POU6F2: variants seen among roughly 807,000 people sequenced by gnomAD.
The protein encoded by POU6F2 is POU domain, class 6, transcription factor 2.
POU6F2 carries 31 observed loss-of-function variants against 71.3 expected under a neutral mutation model. That is an observed-to-expected ratio of 0.43 (90% CI 0.33 to 0.59). The LOEUF is 0.59. POU6F2 is among the 20% of genes least tolerant of loss of function. POU6F2 has a pLI of 0.04. For synonymous variants in POU6F2, 347 were observed against 355.7 expected (o/e 0.98, Z 0.27); for missense variants, 783 against 856.8 (o/e 0.91, Z 1.07).
intron 4 of POU6F2, among the ~76,000 whole-genome samples, chr7:39,325,528 C>T (rs1044134121): frequency 1.3e-5 from 2 of 152,222 alleles, no homozygotes; most frequent in African/African-American, 4.8e-5. Context: ...AAAGAAGTCT[C>T]TTGCTGTATA....
rs773253547 is a variant in POU6F2 at position 39,147,064 on chromosome 7, G to T, written c.278-57171G>T. 2.4e-4 allele frequency among the ~76,000 whole-genome samples: 36 copies of T among 152,230 alleles called. No individual in the cohort carries two copies. In the East Asian group the frequency reaches 3.7e-3, roughly 15 times the overall value. The stretch of plus-strand genomic sequence containing the variant: ...GCATATACACATAGAAAAAGTCATA[G>T]AAGAATGTGTATTAAAACATTATAT... On this transcript the variant is annotated intron_variant, in intron 2 of 9. Transcript: ENST00000518318.
At chr7:39,198,338 G>A (rs1793826799) in intron 2 of POU6F2, among the ~76,000 whole-genome samples, 1 of 152,174 alleles carries the variant, frequency 6.6e-6, no homozygotes, top group Non-Finnish European at 1.5e-5. Flanking sequence ...TAAGAGATTT[G>A]TAGAATTTCT....
intron 4 of POU6F2, among the ~76,000 whole-genome samples, chr7:39,265,078 G>A (rs1036861852): frequency 2.0e-5 from 3 of 152,116 alleles, no homozygotes; most frequent in African/African-American, 7.2e-5. Flanking sequence ...AACAGAAAAG[G>A]TCAGAATGTA....
intron 3 of POU6F2, among the ~76,000 whole-genome samples, chr7:39,207,002 G>C (rs145002385): frequency 6.6e-6 from 1 of 152,120 alleles, no homozygotes; most frequent in Non-Finnish European, 1.5e-5. Flanking sequence ...GTAGTATTTC[G>C]TTGCTCTTTT....
At chr7:39,035,763 GC>G (rs1790048120) in intron 1 of POU6F2, among the ~76,000 whole-genome samples, 1 of 151,426 alleles carries the variant, frequency 6.6e-6, no homozygotes, top group Non-Finnish European at 1.5e-5. Flanking sequence ...TTGCTCCCTA[GC>G]TTTTAATTTA....
chr7:39,336,358 A>G (rs1013154572), intron 4 of POU6F2, among the ~76,000 whole-genome samples: 2 of 152,028 alleles, frequency 1.3e-5, no homozygotes, highest in Non-Finnish European at 2.9e-5. Context: ...TTCTGTCTCT[A>G]TGGACTCACT....
At chr7:39,031,191 G>A (rs1208693389) in intron 1 of POU6F2, among the ~76,000 whole-genome samples, 1 of 152,002 alleles carries the variant, frequency 6.6e-6, no homozygotes, top group Non-Finnish European at 1.5e-5. Context: ...GAGCCACCGC[G>A]CCTGGCCAAC....
At chr7:39,214,161 T>C (rs910923339) in intron 4 of POU6F2, among the ~76,000 whole-genome samples, 5 of 152,136 alleles carry the variant, frequency 3.3e-5, no homozygotes, top group African/African-American at 9.7e-5. Context: ...TTTATTTTGC[T>C]TTCTTGTTCC....
intron 2 of POU6F2, among the ~76,000 whole-genome samples, chr7:39,158,247 T>C (rs1169668237): frequency 6.6e-6 from 1 of 152,168 alleles, no homozygotes; most frequent in Non-Finnish European, 1.5e-5. Context: ...CATTCACTCC[T>C]GAATTCAGTA....
At chr7:39,382,299 C>T (rs897363614) in intron 5 of POU6F2, among the ~76,000 whole-genome samples, 8 of 152,124 alleles carry the variant, frequency 5.3e-5, no homozygotes, top group Non-Finnish European at 1.2e-4. Flanking sequence ...AACAGAGAGA[C>T]AGAACAGAGG....
chr7:39,060,279 A>G (rs918398411), intron 1 of POU6F2, among the ~76,000 whole-genome samples: 5 of 152,128 alleles, frequency 3.3e-5, no homozygotes, highest in Non-Finnish European at 7.4e-5. Flanking sequence ...GATGTCCAGA[A>G]TAGGTAAAGC....
At chr7:39,232,084 G>A (rs1051434073) in intron 4 of POU6F2, among the ~76,000 whole-genome samples, 1 of 152,066 alleles carries the variant, frequency 6.6e-6, no homozygotes, top group African/African-American at 2.4e-5. Context: ...AAAAGTCAAA[G>A]TATAAAATTA....
At chr7:39,193,501 G>C (rs1793713385) in intron 2 of POU6F2, among the ~76,000 whole-genome samples, 1 of 152,128 alleles carries the variant, frequency 6.6e-6, no homozygotes, top group African/African-American at 2.4e-5. Flanking sequence ...GTGTAGTCTT[G>C]AAGTCAAATG....
chr7:39,017,904 A>G (rs1033359878), intron 1 of POU6F2, among the ~76,000 whole-genome samples: 2 of 150,168 alleles, frequency 1.3e-5, no homozygotes, highest in Non-Finnish European at 3.0e-5. Flanking sequence ...ATTCTTCTGC[A>G]TTTTCATCAT....
At chr7:39,034,500 C>T (rs1237483758) in intron 1 of POU6F2, 3 of 431,572 alleles carry the variant, frequency 7.0e-6, no homozygotes, top group East Asian at 7.1e-5. Flanking sequence ...CTGTAAGTAG[C>T]TCCTGTCTCT....
intron 4 of POU6F2, among the ~76,000 whole-genome samples, chr7:39,310,334 A>G (rs1785139002): frequency 6.6e-6 from 1 of 152,240 alleles, no homozygotes; most frequent in Non-Finnish European, 1.5e-5. Flanking sequence ...AGCTTTATGT[A>G]TAAGGCGTGG....
At position 39,272,418 on chromosome 7, in the gene POU6F2, G is replaced by A. The variant is rs553806023; in HGVS notation, c.598+64798G>A. On this transcript the variant is annotated intron_variant, in intron 4 of 9. Transcript: ENST00000518318. ...CTTCCCTACCAACCAGGAAGCCCCT[G>A]GAGACCAGCATAATATTTTATTCCT... Among the ~76,000 whole-genome samples, 181 of 152,202 alleles carry A rather than the reference G, an allele frequency of 1.2e-3. 1 individual carries two copies. The South Asian group carries it at 0.034, about 29-fold the overall frequency.
At chr7:39,322,146 C>T (rs963083511) in intron 4 of POU6F2, among the ~76,000 whole-genome samples, 1 of 152,238 alleles carries the variant, frequency 6.6e-6, no homozygotes, top group Non-Finnish European at 1.5e-5. Context: ...ATTAGCGAAT[C>T]TGTGCTCATC....
intron 5 of POU6F2, chr7:39,373,788 T>A (rs949603016): frequency 3.4e-6 from 1 of 291,246 alleles, no homozygotes; most frequent in Non-Finnish European, 6.8e-6. Flanking sequence ...CAAAGGTATC[T>A]GTATCTGTGT....
Sources: gnomAD v4.1 joint callset for allele counts (sites outside exome capture counted in the v4.1 genomes callset) on GRCh38, gnomAD v4.1.1 for gene constraint, MANE v1.5 for transcripts, NCBI Gene and HGNC (gene_info 2026-07-23, HGNC 2026-07-21) for gene names.